NPSR1: variants seen among roughly 807,000 people sequenced by gnomAD.
The protein encoded by NPSR1 is neuropeptide S receptor 1.
A neutral mutation model predicts 46.9 loss-of-function variants in NPSR1; 48 were observed. The observed-to-expected ratio is 1.02, with a 90% CI of 0.81 to 1.30. The LOEUF (loss-of-function observed/expected upper bound fraction) is 1.30. Among genes scored for constraint, NPSR1 ranks in the 50% most tolerant of loss-of-function variants. NPSR1 has a pLI of 0.00. For missense variants in NPSR1, 450 were observed against 449.5 expected (o/e 1.00, Z -0.01); for synonymous variants, 176 against 168.1 (o/e 1.05, Z -0.36).
At chr7:34,770,481 C>T (rs1430361259) in intron 2 of NPSR1, among the ~76,000 whole-genome samples, 8 of 151,990 alleles carry the variant, frequency 5.3e-5, no homozygotes, top group Admixed American at 6.6e-5. Flanking sequence ...TACAGACAGG[C>T]GAAAGACTCA....
chr7:34,717,406 C>A (rs1783634243), intron 2 of NPSR1, among the ~76,000 whole-genome samples: 1 of 152,236 alleles, frequency 6.6e-6, no homozygotes, highest in Non-Finnish European at 1.5e-5. Flanking sequence ...GCTGGGATTA[C>A]AGGCGTGAGC....
At chr7:34,818,476 G>A (rs1789369514) in intron 4 of NPSR1, among the ~76,000 whole-genome samples, 2 of 152,156 alleles carry the variant, frequency 1.3e-5, no homozygotes, top group Non-Finnish European at 2.9e-5. Context: ...TCCATATAGT[G>A]AAAATGGCCA....
intron 3 of NPSR1, among the ~76,000 whole-genome samples, chr7:34,811,233 G>A (rs947196633): frequency 6.6e-6 from 1 of 152,168 alleles, no homozygotes; most frequent in East Asian, 1.9e-4. Context: ...ATTGAGTGGT[G>A]GAGGTGGTTC....
chr7:34,825,764 T>C (rs559568018), intron 4 of NPSR1, among the ~76,000 whole-genome samples: 1 of 152,254 alleles, frequency 6.6e-6, no homozygotes, highest in South Asian at 2.1e-4. Flanking sequence ...AGCCCTCTGA[T>C]GACAGCAGCA....
At chr7:34,828,179 T>A (rs756200768) in intron 5 of NPSR1, among the ~76,000 whole-genome samples, 1 of 152,118 alleles carries the variant, frequency 6.6e-6, no homozygotes, top group South Asian at 2.1e-4. Context: ...GAAGCCACCA[T>A]TGAAGGAGGA....
At chr7:34,681,596 C>T (rs1792637750) in intron 1 of NPSR1, among the ~76,000 whole-genome samples, 1 of 152,248 alleles carries the variant, frequency 6.6e-6, no homozygotes, top group East Asian at 1.9e-4. Flanking sequence ...CTAGCAGTGC[C>T]AAAGACATGT....
chr7:34,831,484 G>A (rs935356916), intron 5 of NPSR1, among the ~76,000 whole-genome samples: 5 of 152,250 alleles, frequency 3.3e-5, no homozygotes, highest in Non-Finnish European at 4.4e-5. Context: ...GGAAGAAAGG[G>A]AGGGAGGGAA....
At chr7:34,766,264 G>A (rs1229337514) in intron 2 of NPSR1, among the ~76,000 whole-genome samples, 1 of 152,150 alleles carries the variant, frequency 6.6e-6, no homozygotes, top group Non-Finnish European at 1.5e-5. Context: ...ACACAGTGGT[G>A]CAGCAACATT....
chr7:34,669,948 T>C (rs1791964827), intron 1 of NPSR1, among the ~76,000 whole-genome samples: 1 of 152,224 alleles, frequency 6.6e-6, no homozygotes, highest in Admixed American at 6.5e-5. Flanking sequence ...ATAGCATTAA[T>C]TCTCTAGGTG....
intron 2 of NPSR1, among the ~76,000 whole-genome samples, chr7:34,714,753 G>A (rs967519684): frequency 6.6e-6 from 1 of 152,172 alleles, no homozygotes; most frequent in Non-Finnish European, 1.5e-5. Flanking sequence ...GCAGAGCCAG[G>A]GTCAGGGCTA....
intron 3 of NPSR1, among the ~76,000 whole-genome samples, chr7:34,790,726 A>ATGTTATATATAATATATGTTC (rs1562729258): frequency 1.6e-5 from 2 of 123,704 alleles, no homozygotes; most frequent in African/African-American, 6.0e-5. Flanking sequence ...AATATATGTT[A>ATGTTATATATAATATATGTTC]TATGTTATAT....
chr7:34,694,696 C>A (rs1385838251), intron 2 of NPSR1, among the ~76,000 whole-genome samples: 1 of 152,056 alleles, frequency 6.6e-6, no homozygotes, highest in Non-Finnish European at 1.5e-5. Context: ...TTTAAAAGAC[C>A]CTGAATAGCC....
At chr7:34,823,416 A>G (rs1374809178) in intron 4 of NPSR1, among the ~76,000 whole-genome samples, 2 of 123,356 alleles carry the variant, frequency 1.6e-5, no homozygotes, top group Admixed American at 1.5e-4. Context: ...AAAAAAAAAA[A>G]CAACACCATA....
At chr7:34,697,884 A>G (rs1293773399) in intron 2 of NPSR1, among the ~76,000 whole-genome samples, 1 of 152,122 alleles carries the variant, frequency 6.6e-6, no homozygotes, top group African/African-American at 2.4e-5. Context: ...CAGTAATTGC[A>G]TTAATTGTAA....
chr7:34,810,116 G>C (rs755703105), intron 3 of NPSR1, among the ~76,000 whole-genome samples: 4 of 152,166 alleles, frequency 2.6e-5, no homozygotes, highest in African/African-American at 4.8e-5. Flanking sequence ...GTCTGAGCCA[G>C]AGAAAGAACA....
intron 4 of NPSR1, among the ~76,000 whole-genome samples, chr7:34,817,712 T>C (rs183100534): frequency 5.6e-4 from 85 of 151,568 alleles, no homozygotes; most frequent in African/African-American, 2.1e-3. Flanking sequence ...TCAAAAAGCT[T>C]ATCCACCATG....
At chr7:34,771,206 G>A (rs1426221597) in intron 2 of NPSR1, among the ~76,000 whole-genome samples, 1 of 152,138 alleles carries the variant, frequency 6.6e-6, no homozygotes, top group Non-Finnish European at 1.5e-5. Context: ...AGGTTGAAGT[G>A]AGTGGATCAC....
chr7:34,773,048 C>T (rs952683523), intron 2 of NPSR1, among the ~76,000 whole-genome samples: 4 of 152,126 alleles, frequency 2.6e-5, no homozygotes, highest in Non-Finnish European at 5.9e-5. Context: ...AGTTGAAGAG[C>T]ACAGAGGTGC....
At chr7:34,792,499 A>AC (rs1787925753) in intron 3 of NPSR1, among the ~76,000 whole-genome samples, 2 of 144,372 alleles carry the variant, frequency 1.4e-5, no homozygotes, top group East Asian at 2.1e-4. Context: ...ATCTCTACAA[A>AC]AACACACACA....
Sources: allele counts gnomAD v4.1 joint callset (sites outside exome capture counted in the v4.1 genomes callset), GRCh38; gene constraint gnomAD v4.1.1; transcripts MANE v1.5; gene names NCBI Gene and HGNC (gene_info 2026-07-23, HGNC 2026-07-21).